The following C12orf56 variants were observed in gnomAD, a reference collection of about 807,000 sequenced individuals.
The protein encoded by C12orf56 is chromosome 12 open reading frame 56.
Under a neutral mutation model 69.9 loss-of-function variants are expected in C12orf56, and 71 were observed. The observed-to-expected ratio is 1.02, with a 90% CI of 0.84 to 1.24. The LOEUF is 1.24. C12orf56 is among the 50% of genes most tolerant of loss of function. The pLI, the probability that C12orf56 is intolerant of heterozygous loss-of-function variation, is 0.00. For synonymous variants in C12orf56, 276 were observed against 274.1 expected (o/e 1.01, Z -0.07); for missense variants, 732 against 738.5 (o/e 0.99, Z 0.10).
At chr12:64,344,192 A>T (rs1043713620) in intron 2 of C12orf56, among the ~76,000 whole-genome samples, 2 of 152,012 alleles carry the variant, frequency 1.3e-5, no homozygotes, top group East Asian at 3.9e-4. Flanking sequence ...CTCCTGGGGG[A>T]AGGATGGGAG....
At chr12:64,366,949 T>A (rs2039495858) in intron 1 of C12orf56, among the ~76,000 whole-genome samples, 1 of 123,232 alleles carries the variant, frequency 8.1e-6, no homozygotes, top group South Asian at 2.5e-4. Flanking sequence ...ACATACACTT[T>A]ATATATTATA....
intron 5 of C12orf56, among the ~76,000 whole-genome samples, chr12:64,312,130 A>G (rs1349923664): frequency 2.0e-5 from 3 of 152,192 alleles, no homozygotes; most frequent in African/African-American, 7.2e-5. Context: ...TAGGAAGCAC[A>G]AGAGGAAAGT....
chr12:64,305,828 A>T (rs2038504797), intron 5 of C12orf56, among the ~76,000 whole-genome samples: 1 of 152,236 alleles, frequency 6.6e-6, no homozygotes, highest in Non-Finnish European at 1.5e-5. Flanking sequence ...TTTAAAAAGT[A>T]ACTATGAAAT....
chr12:64,328,252 C>T (rs1466873351), intron 3 of C12orf56, among the ~76,000 whole-genome samples: 1 of 152,054 alleles, frequency 6.6e-6, no homozygotes, highest in Non-Finnish European at 1.5e-5. Context: ...GGATATTTCC[C>T]CTTGCTATGA....
Position 64,390,336 on chromosome 12 carries a change from C to A in C12orf56, c.230G>T (p.Arg77Leu). ...PKSIRRVVAL[R>L]DVVAIDLIDD... Reference sequence around the variant, plus strand: ...CACCAGGTCAATGGCCACGACGTCCCGCAGAGCCACTACCCGCCGGATGGA... The same window carrying A: ...CACCAGGTCAATGGCCACGACGTCCAGCAGAGCCACTACCCGCCGGATGGA... Residue 77 changes from arginine (R) to leucine (L), a missense_variant, in exon 1 of 13, where the codon CGG (arginine) becomes CTG (leucine). Coordinates refer to ENST00000543942, the MANE Select transcript of C12orf56 (RefSeq NM_001170633.2). 1 of 1,611,028 alleles carries A rather than the reference C, an allele frequency of 6.2e-7. No homozygotes were observed.
At chr12:64,272,998 A>G (rs1343878299) in intron 11 of C12orf56, among the ~76,000 whole-genome samples, 1 of 152,324 alleles carries the variant, frequency 6.6e-6, no homozygotes, top group Non-Finnish European at 1.5e-5. Context: ...ATGCGTGTCC[A>G]TATATGGAAA....
Position 64,390,570 on chromosome 12 carries a change from G to A in C12orf56, c.-5C>T, listed in dbSNP as rs748402307. Reference sequence around the variant, plus strand: ...GGACGGCAAGGGGCTGGCCATGCCCGGCGCCCGCAGCGTGGCGGAGTGCTG... The same window carrying A: ...GGACGGCAAGGGGCTGGCCATGCCCAGCGCCCGCAGCGTGGCGGAGTGCTG... On this transcript the variant is annotated 5_prime_UTR_variant, in exon 1 of 13. Coordinates refer to ENST00000543942, the MANE Select transcript of C12orf56 (RefSeq NM_001170633.2). 1.7e-5 allele frequency: 27 copies of A among 1,559,746 alleles called. No homozygotes were observed. The highest frequency in any genetic ancestry group is 1.4e-4 in the East Asian group (6 of 43,042).
Position 64,277,686 on chromosome 12 carries a change from G to A in C12orf56, c.1428C>T (p.Asp476=), listed in dbSNP as rs73327140. The A allele has an allele frequency of 7.4e-3, 11,439 of 1,549,480 alleles. 453 individuals carry two copies. The African/African-American group carries it at 0.11, about 15-fold the overall frequency. ...ADSALVRMSF[D]AELQKLILEY... ...CCCCAAATTCTCATCTCACCTCAGC[G>A]TCAAAAGACATTCTGACTAAAGCTG... Residue 476 remains aspartate, a synonymous_variant, in exon 9 of 13, where the codon GAC becomes GAT. Transcript: ENST00000543942.
At chr12:64,328,513 T>C (rs2038873925) in intron 3 of C12orf56, among the ~76,000 whole-genome samples, 1 of 151,272 alleles carries the variant, frequency 6.6e-6, no homozygotes, top group African/African-American at 2.4e-5. Context: ...ACTCCATCTC[T>C]ACTTAAAATA....
chr12:64,352,893 C>T lies in C12orf56; in HGVS notation c.415+1G>A. ...TCCAGAGACAGATTGGAAGTACCTA[C>T]CTTTCTTGTTGTTAGCTTTAGTATG... is the stretch of plus-strand genomic sequence containing the variant. On this transcript the variant is annotated splice_donor_variant, in intron 2 of 12. Coordinates refer to ENST00000543942, the MANE Select transcript of C12orf56 (RefSeq NM_001170633.2). LOFTEE classifies it high-confidence loss of function. 2 of 1,599,742 alleles carry T rather than the reference C, an allele frequency of 1.3e-6. No homozygotes were observed.
In C12orf56 at chr12:64,330,953, A is replaced by C; in HGVS notation, c.488+7T>G. On this transcript the variant is annotated splice_region_variant and intron_variant, in intron 3 of 12. Transcript: ENST00000543942. ...AGTTAAACACATACTCCAAACAACA[A>C]TCTCACCTGAGAGGAGATTCTTTCA... 1 of 1,542,676 alleles carries C rather than the reference A, an allele frequency of 6.5e-7. No individual in the cohort carries two copies. The highest frequency in any genetic ancestry group is 1.2e-5 in the South Asian group (1 of 81,512).
chr12:64,273,297 CAAAAAAAAAAAAAA>C (rs201066197), intron 11 of C12orf56, among the ~76,000 whole-genome samples: 5 of 139,950 alleles, frequency 3.6e-5, no homozygotes, highest in Admixed American at 2.1e-4. Context: ...GACTCTGTCT[CAAAAAAAAAAAAAA>C]AAAAAAAAGA....
intron 1 of C12orf56, among the ~76,000 whole-genome samples, chr12:64,366,229 A>ATAATATATAGCTTG (rs1565777073): frequency 0.028 from 1,108 of 39,262 alleles, 395 homozygotes; most frequent in Middle Eastern, 0.071. Context: ...TATATATTAT[A>ATAATATATAGCTTG]TATAATATAC....
rs149577587 is a variant in C12orf56, at chr12:64,277,412, C to T, written c.1434+268G>A. Among the ~76,000 whole-genome samples the T allele has an allele frequency of 7.9e-3, 1,194 of 152,080 alleles. 17 individuals carry two copies. The highest frequency in any genetic ancestry group is 0.027 in the African/African-American group (1,117 of 41,456). On this transcript the variant is annotated intron_variant, in intron 9 of 12. Coordinates refer to ENST00000543942, the MANE Select transcript of C12orf56 (RefSeq NM_001170633.2). ...TCAAATTTATAAAGAATGCTAATTA[C>T]TTTCTTTAATATACATACCTTAAGA... is the stretch of plus-strand genomic sequence containing the variant.
intron 1 of C12orf56, among the ~76,000 whole-genome samples, chr12:64,380,922 GAT>G (rs2039712152): frequency 6.6e-6 from 1 of 152,144 alleles, no homozygotes; most frequent in South Asian, 2.1e-4. Flanking sequence ...TTTAATTTAT[GAT>G]ATATGTTTCA....
At chr12:64,357,614 G>A (rs550406571) in intron 1 of C12orf56, among the ~76,000 whole-genome samples, 89 of 151,902 alleles carry the variant, frequency 5.9e-4, no homozygotes, top group African/African-American at 2.1e-3. Context: ...ATGAGATCTC[G>A]GGCCAGGTGA....
intron 12 of C12orf56, among the ~76,000 whole-genome samples, chr12:64,268,339 G>T: frequency 6.6e-6 from 1 of 152,160 alleles, no homozygotes; most frequent in East Asian, 1.9e-4. Flanking sequence ...ACACCACTTT[G>T]CCAGTTGTCC....
chr12:64,332,184 G>T (rs191759103), intron 2 of C12orf56, among the ~76,000 whole-genome samples: 113 of 151,724 alleles, frequency 7.4e-4, no homozygotes, highest in African/African-American at 2.6e-3. Flanking sequence ...TGGGCCTGTA[G>T]TCCCAGCTAC....
chr12:64,371,755 A>T (rs1178642259), intron 1 of C12orf56, among the ~76,000 whole-genome samples: 3 of 152,044 alleles, frequency 2.0e-5, no homozygotes. Context: ...GCTTGAATCC[A>T]GGAGGTAGAG....
Sources: gnomAD v4.1 joint callset for allele counts (sites outside exome capture counted in the v4.1 genomes callset) on GRCh38, gnomAD v4.1.1 for gene constraint, MANE v1.5 for transcripts, NCBI Gene and HGNC (gene_info 2026-07-23, HGNC 2026-07-21) for gene names.